Variants in VAV3 observed in about 807,000 individuals in gnomAD.
VAV3 encodes the protein vav guanine nucleotide exchange factor 3.
A neutral mutation model predicts 131.2 loss-of-function variants in VAV3; 94 were observed. That is an observed-to-expected ratio of 0.72 (90% CI 0.61 to 0.85). The LOEUF (loss-of-function observed/expected upper bound fraction) is 0.85, where lower values mean the gene tolerates loss of function less well. Ranked by LOEUF, VAV3 falls within the 40% of genes least tolerant of loss-of-function variation. The pLI is 0.00. For missense variants in VAV3, 939 were observed against 1,002.7 expected, an observed-to-expected ratio of 0.94 and a Z score of 0.86; for synonymous variants, 349 against 342.0, an observed-to-expected ratio of 1.02 and a Z score of -0.22.
intron 1 of VAV3, among the ~76,000 whole-genome samples, chr1:107,909,179 G>A (rs1320237136): frequency 6.6e-6 from 1 of 152,024 alleles, no homozygotes; most frequent in Non-Finnish European, 1.5e-5. Context: ...TCATTCAGTG[G>A]TTATACTATC....
At chr1:107,815,019 A>T (rs1667505546) in intron 2 of VAV3, among the ~76,000 whole-genome samples, 1 of 152,206 alleles carries the variant, frequency 6.6e-6, no homozygotes, top group Non-Finnish European at 1.5e-5. Context: ...TCCTAGCCCA[A>T]GGGAATGGAA....
At chr1:107,802,790 T>C (rs1383821243) in intron 2 of VAV3, among the ~76,000 whole-genome samples, 1 of 152,108 alleles carries the variant, frequency 6.6e-6, no homozygotes, top group African/African-American at 2.4e-5. Context: ...GATATTGGCC[T>C]GTAGTCTACT....
intron 15 of VAV3, among the ~76,000 whole-genome samples, chr1:107,744,918 C>G (rs527445395): frequency 1.2e-4 from 18 of 152,304 alleles, no homozygotes; most frequent in Middle Eastern, 3.4e-3. Flanking sequence ...CACATTTGCT[C>G]AAATGCTCCT....
intron 1 of VAV3, among the ~76,000 whole-genome samples, chr1:107,916,201 GA>G (rs1472734641): frequency 6.6e-6 from 1 of 152,022 alleles, no homozygotes; most frequent in Non-Finnish European, 1.5e-5. Context: ...ATATATATAT[GA>G]AAAGAAGAAA....
chr1:107,802,199 T>C (rs181301490), intron 2 of VAV3, among the ~76,000 whole-genome samples: 21 of 152,216 alleles, frequency 1.4e-4, no homozygotes, highest in African/African-American at 4.6e-4. Flanking sequence ...TGCATGTTGG[T>C]TTTGTATGCT....
At chr1:107,737,184 C>T (rs1421178925) in intron 15 of VAV3, among the ~76,000 whole-genome samples, 6 of 152,316 alleles carry the variant, frequency 3.9e-5, no homozygotes, top group South Asian at 4.1e-4. Context: ...CCCTTCCTTA[C>T]ACCTTATACA....
chr1:107,872,781 A>G (rs1451268552), intron 2 of VAV3, among the ~76,000 whole-genome samples: 3 of 152,188 alleles, frequency 2.0e-5, no homozygotes, highest in African/African-American at 4.8e-5. Flanking sequence ...TCTCAAATAG[A>G]TATGTGATTT....
chr1:107,907,827 T>C (rs769603649), intron 1 of VAV3, among the ~76,000 whole-genome samples: 11 of 152,158 alleles, frequency 7.2e-5, no homozygotes, highest in Non-Finnish European at 1.6e-4. Flanking sequence ...AAGAAATAAA[T>C]TTCTGTTCTT....
intron 19 of VAV3, among the ~76,000 whole-genome samples, chr1:107,674,651 G>C (rs1181378045): frequency 1.3e-5 from 2 of 152,184 alleles, no homozygotes; most frequent in Non-Finnish European, 2.9e-5. Context: ...ACCAAGTGCT[G>C]TGTGACCTTG....
intron 15 of VAV3, among the ~76,000 whole-genome samples, chr1:107,739,768 T>C (rs1662896143): frequency 1.3e-5 from 2 of 151,962 alleles, no homozygotes; most frequent in Non-Finnish European, 2.9e-5. Context: ...CTTTGGACAC[T>C]AAGAAAATGC....
At chr1:107,757,875 A>G (rs556830574) in intron 10 of VAV3, among the ~76,000 whole-genome samples, 29 of 152,130 alleles carry the variant, frequency 1.9e-4, no homozygotes, top group African/African-American at 6.5e-4. Flanking sequence ...CTGATTTTAC[A>G]TACTCTACAA....
Position 107,888,498 on chromosome 1 carries a change from G to A in VAV3, c.205-13481C>T, listed in dbSNP as rs554248632. ...TTGGAGATGGACTTTCTCTCTTGCT[G>A]CGCAGGCTGGAGTACAATGGTGCAA... is the stretch of plus-strand genomic sequence containing the variant. On this transcript the variant is annotated intron_variant, in intron 1 of 26. Transcript: ENST00000370056. Among the ~76,000 whole-genome samples the A allele has an allele frequency of 3.3e-5, 5 of 152,228 alleles. No homozygotes were observed. The South Asian group carries it at 1.0e-3, about 32-fold the overall frequency.
chr1:107,771,387 T>G (rs1028104593), intron 5 of VAV3, among the ~76,000 whole-genome samples: 7 of 151,878 alleles, frequency 4.6e-5, no homozygotes, highest in Non-Finnish European at 1.0e-4. Flanking sequence ...CAAGTAGCTG[T>G]GACTACAGGT....
At chr1:107,817,760 G>T (rs1029051733) in intron 2 of VAV3, among the ~76,000 whole-genome samples, 1 of 152,086 alleles carries the variant, frequency 6.6e-6, no homozygotes, top group Admixed American at 6.6e-5. Context: ...GACCACATCA[G>T]TCAGAGCTAG....
At chr1:107,779,768 A>T (rs1420525969) in intron 2 of VAV3, among the ~76,000 whole-genome samples, 1 of 152,220 alleles carries the variant, frequency 6.6e-6, no homozygotes, top group Non-Finnish European at 1.5e-5. Flanking sequence ...ACACAAAGTT[A>T]GCCTGGGTGG....
At chr1:107,861,978 T>C (rs1669762108) in intron 2 of VAV3, among the ~76,000 whole-genome samples, 1 of 151,750 alleles carries the variant, frequency 6.6e-6, no homozygotes, top group African/African-American at 2.4e-5. Context: ...TAATGATTTC[T>C]GACTGCTCTA....
chr1:107,773,698 T>C (rs149203989), intron 4 of VAV3, among the ~76,000 whole-genome samples: 4 of 152,214 alleles, frequency 2.6e-5, no homozygotes, highest in Non-Finnish European at 4.4e-5. Context: ...GTGATCCATA[T>C]TGGCAGTAAC....
In VAV3 at chr1:107,964,656, G is replaced by T. The variant is rs776548239; in HGVS notation, c.204+10C>A. 1 of 1,609,364 alleles carries T rather than the reference G, an allele frequency of 6.2e-7. No individual in the cohort carries two copies. The highest frequency in any genetic ancestry group is 8.5e-7 in the Non-Finnish European group (1 of 1,177,478). On this transcript the variant is annotated intron_variant, in intron 1 of 26. Coordinates refer to ENST00000370056, the MANE Select transcript of VAV3 (RefSeq NM_006113.5). ...GGCTGGAGGCGGGGCGCCCGTGCCG[G>T]CCTCCTCACCTGGGACATCTGCGGC...
At chr1:107,617,351 T>C (rs11185145) in intron 21 of VAV3, among the ~76,000 whole-genome samples, 32,219 of 152,074 alleles carry the variant, frequency 0.21, 3,637 homozygotes, top group South Asian at 0.32. Context: ...ATATAAATTC[T>C]ACTAAGTAAA....
Sources: allele counts gnomAD v4.1 joint callset (sites outside exome capture counted in the v4.1 genomes callset), GRCh38; gene constraint gnomAD v4.1.1; transcripts MANE v1.5; gene names NCBI Gene and HGNC (gene_info 2026-07-23, HGNC 2026-07-21).